The following PTPRN2 variants were observed in gnomAD, a reference collection of about 807,000 sequenced individuals.
The protein encoded by PTPRN2 is protein tyrosine phosphatase receptor type N2.
PTPRN2 carries 74 observed loss-of-function variants against 118.8 expected under a neutral mutation model. The observed-to-expected ratio is 0.62, with a 90% CI of 0.52 to 0.76. PTPRN2 has a LOEUF of 0.76. Among genes scored for constraint, PTPRN2 ranks in the 30% least tolerant of loss-of-function variants. PTPRN2 has a pLI of 0.00. For synonymous variants in PTPRN2, 641 were observed against 608.0 expected (o/e 1.05, Z -0.80); for missense variants, 1,481 against 1,394.4 (o/e 1.06, Z -0.99).
At chr7:158,487,640 G>A (rs1045531002) in intron 2 of PTPRN2, among the ~76,000 whole-genome samples, 3 of 152,128 alleles carry the variant, frequency 2.0e-5, no homozygotes, top group Non-Finnish European at 2.9e-5. Context: ...GAGACCCTGC[G>A]GCTGGTGACA....
chr7:157,884,946 C>G (rs965728277), intron 12 of PTPRN2, among the ~76,000 whole-genome samples: 13 of 152,306 alleles, frequency 8.5e-5, no homozygotes, highest in African/African-American at 3.1e-4. Flanking sequence ...CTACACACCT[C>G]TTTGTGATTG....
chr7:157,866,083 T>A (rs1463272350), intron 12 of PTPRN2: 1 of 152,242 alleles, frequency 6.6e-6, no homozygotes, highest in South Asian at 2.1e-4. Flanking sequence ...TCTCAGCAGA[T>A]GCGAGAAAAT....
intron 21 of PTPRN2, among the ~76,000 whole-genome samples, chr7:157,567,127 C>T (rs1218839143): frequency 6.6e-6 from 1 of 152,186 alleles, no homozygotes; most frequent in Non-Finnish European, 1.5e-5. Flanking sequence ...TGGCTCTGAG[C>T]TCCAATAGCT....
rs79529750 is a variant in PTPRN2, at chr7:157,591,345, C to T, written c.2496+3893G>A. Among the ~76,000 whole-genome samples, 864 of 152,248 alleles carry T rather than the reference C, an allele frequency of 5.7e-3. 8 individuals carry two copies. The highest frequency in any genetic ancestry group is 0.019 in the African/African-American group (809 of 41,540). On this transcript the variant is annotated intron_variant, in intron 17 of 22. Coordinates refer to ENST00000389418, the MANE Select transcript of PTPRN2 (RefSeq NM_002847.5). The surrounding 1 kb of genome is among the most constrained non-coding windows in gnomAD (Gnocchi z 4.4). ...GGAGCTTCAGATCAGCATCAACAGC[C>T]GGAGATAAAAGGAAGGTGCTTTGGG... is the stretch of plus-strand genomic sequence containing the variant.
chr7:158,016,113 A>C (rs1001876553), intron 11 of PTPRN2, among the ~76,000 whole-genome samples: 3 of 152,222 alleles, frequency 2.0e-5, no homozygotes, highest in Admixed American at 2.0e-4. Context: ...CGTAATCAGC[A>C]AATCAACACG....
intron 12 of PTPRN2, among the ~76,000 whole-genome samples, chr7:157,699,387 A>G (rs1031939517): frequency 2.6e-5 from 4 of 152,182 alleles, no homozygotes; most frequent in Non-Finnish European, 5.9e-5. Flanking sequence ...ACATATTTAG[A>G]TCTAATGTGA....
chr7:158,154,818 C>T lies in PTPRN2; in HGVS notation c.910+12113G>A, dbSNP rs532072193. ...GCAGCTTATGGGAGAACAGTTAATG[C>T]ATACTAGGGATCCCCTCCCATGTAA... is the stretch of plus-strand genomic sequence containing the variant. On this transcript the variant is annotated intron_variant, in intron 6 of 22. Coordinates refer to ENST00000389418, the MANE Select transcript of PTPRN2 (RefSeq NM_002847.5). Among the ~76,000 whole-genome samples, 16 of 152,220 alleles carry T rather than the reference C, an allele frequency of 1.1e-4. No individual in the cohort carries two copies. The South Asian group carries it at 3.3e-3, about 32-fold the overall frequency.
At position 157,881,056 on chromosome 7, in the gene PTPRN2, G is replaced by A. The variant is rs957493451; in HGVS notation, c.1788+17617C>T. ...TGTGGAGATGGAGTTGTCTATAGGA[G>A]TCATTACGGTAAAATGAGGTCATGA... On this transcript the variant is annotated intron_variant, in intron 12 of 22. Transcript: ENST00000389418. This position sits in a 1 kb window ranked among gnomAD's most constrained non-coding sequence, Gnocchi z 4.7. 1.3e-5 allele frequency among the ~76,000 whole-genome samples: 2 copies of A among 150,428 alleles called. No homozygotes were observed. The highest frequency in any genetic ancestry group is 2.5e-5 in the African/African-American group (1 of 40,078).
rs894423203 is a variant in PTPRN2 at position 157,590,848 on chromosome 7, C to A, written c.2496+4390G>T. ...CCCTCCTGGCTCCTCTGCCTCCCAG[C>A]AGCCCAGTGACCTCCAAACGGACTC... is the stretch of plus-strand genomic sequence containing the variant. On this transcript the variant is annotated intron_variant, in intron 17 of 22. Transcript: ENST00000389418. The surrounding 1 kb of genome is among the most constrained non-coding windows in gnomAD (Gnocchi z 4.0). 9.2e-5 allele frequency among the ~76,000 whole-genome samples: 14 copies of A among 152,202 alleles called. No homozygotes were observed. Among genetic ancestry groups the A allele is most frequent in the African/African-American group, 3.1e-4 (13 of 41,458 alleles).
At chr7:158,440,728 GTGA>G (rs199629970) in intron 2 of PTPRN2, among the ~76,000 whole-genome samples, 41 of 148,602 alleles carry the variant, frequency 2.8e-4, no homozygotes, top group Admixed American at 3.3e-4. Flanking sequence ...GAAGGTGGTG[GTGA>G]TGATGACAGT....
At chr7:157,703,046 G>C (rs1253038410) in intron 12 of PTPRN2, among the ~76,000 whole-genome samples, 2 of 152,216 alleles carry the variant, frequency 1.3e-5, no homozygotes, top group Non-Finnish European at 2.9e-5. Context: ...TGGAAAAATA[G>C]AGAAATAAGA....
intron 12 of PTPRN2, among the ~76,000 whole-genome samples, chr7:157,689,735 T>TG (rs1429083369): frequency 1.3e-5 from 2 of 152,018 alleles, no homozygotes; most frequent in African/African-American, 4.8e-5. Flanking sequence ...TCACCTGGGG[T>TG]GGGGGAGGCG....
intron 3 of PTPRN2, among the ~76,000 whole-genome samples, chr7:158,290,407 GCCTGAGGCCAATGGGGT>G (rs1398062678): frequency 3.9e-5 from 6 of 152,074 alleles, no homozygotes; most frequent in African/African-American, 1.4e-4. Context: ...ATGATGTGGA[GCCTGAGGCCAATGGGGT>G]CAACCTGTAT....
At position 158,581,455 on chromosome 7, in the gene PTPRN2, C is replaced by T. The variant is rs371903838; in HGVS notation, c.112+6103G>A. Reference sequence around the variant, plus strand: ...TGGGGGTGATGGAATGATCCGTACACTGACAGAGGAGGTGGCCACCTGAAT... The same window carrying T: ...TGGGGGTGATGGAATGATCCGTACATTGACAGAGGAGGTGGCCACCTGAAT... On this transcript the variant is annotated intron_variant, in intron 1 of 22. Coordinates refer to ENST00000389418, the MANE Select transcript of PTPRN2 (RefSeq NM_002847.5). 1.5e-4 allele frequency among the ~76,000 whole-genome samples: 23 copies of T among 152,252 alleles called. No homozygotes were observed. In the East Asian group the frequency reaches 3.1e-3, roughly 20 times the overall value.
At chr7:158,067,778 C>T (rs1053765861) in intron 11 of PTPRN2, among the ~76,000 whole-genome samples, 34 of 151,906 alleles carry the variant, frequency 2.2e-4, no homozygotes, top group African/African-American at 6.0e-4. Context: ...CGGGTCAGGC[C>T]GGGCCGCGGG....
intron 11 of PTPRN2, among the ~76,000 whole-genome samples, chr7:157,952,088 C>T (rs1219033930): frequency 1.3e-5 from 2 of 152,222 alleles, no homozygotes; most frequent in African/African-American, 2.4e-5. Flanking sequence ...TGTTTCTGCA[C>T]ACCCTGCGGG....
chr7:158,163,047 C>T (rs201627205), intron 6 of PTPRN2, among the ~76,000 whole-genome samples: 1 of 152,048 alleles, frequency 6.6e-6, no homozygotes, highest in African/African-American at 2.4e-5. Context: ...CTAGCTAGGG[C>T]CTCACATCTT....
chr7:157,741,264 C>G (rs116754718), intron 12 of PTPRN2, among the ~76,000 whole-genome samples: 2,345 of 152,298 alleles, frequency 0.015, 55 homozygotes, highest in African/African-American at 0.053. Flanking sequence ...ATAATGACTA[C>G]TGATTGCAAC....
At chr7:157,806,540 A>G (rs1468357170) in intron 12 of PTPRN2, among the ~76,000 whole-genome samples, 1 of 152,146 alleles carries the variant, frequency 6.6e-6, no homozygotes, top group Non-Finnish European at 1.5e-5. Flanking sequence ...ATATGTGTGT[A>G]TGTATGTATA....
Sources: gnomAD v4.1 joint callset for allele counts (sites outside exome capture counted in the v4.1 genomes callset) on GRCh38, gnomAD v4.1.1 for gene constraint, Gnocchi (gnomAD v3.1) non-coding constraint, MANE v1.5 for transcripts, NCBI Gene and HGNC (gene_info 2026-07-23, HGNC 2026-07-21) for gene names.